The following PARD3 variants were observed in gnomAD, a reference collection of about 807,000 sequenced individuals.
PARD3 encodes the protein par-3 family cell polarity regulator.
PARD3 carries 75 observed loss-of-function variants against 155.4 expected under a neutral mutation model. That is an observed-to-expected ratio of 0.48 (90% CI 0.40 to 0.58). PARD3 has a LOEUF of 0.58. PARD3 is among the 20% of genes least tolerant of loss of function. The probability of loss-of-function intolerance (pLI) is 0.00; values close to 1 mark genes in which losing one functional copy is unlikely to be tolerated. For synonymous variants in PARD3, 576 were observed against 610.5 expected, an observed-to-expected ratio of 0.94 and a Z score of 0.83; for missense variants, 1,642 against 1,721.7, an observed-to-expected ratio of 0.95 and a Z score of 0.82.
At chr10:34,665,905 C>A (rs1486141670) in intron 2 of PARD3, among the ~76,000 whole-genome samples, 5 of 141,870 alleles carry the variant, frequency 3.5e-5, no homozygotes, top group African/African-American at 1.1e-4. Flanking sequence ...CAGAACAGAA[C>A]AAAAAGAAAA....
chr10:34,808,224 G>A (rs1463564203), intron 1 of PARD3, among the ~76,000 whole-genome samples: 1 of 152,130 alleles, frequency 6.6e-6, no homozygotes, highest in African/African-American at 2.4e-5. Context: ...TGAGGCAGGA[G>A]GATCGCTTGA....
intron 1 of PARD3, among the ~76,000 whole-genome samples, chr10:34,737,397 T>C (rs1485652666): frequency 6.6e-6 from 1 of 152,176 alleles, no homozygotes; most frequent in African/African-American, 2.4e-5. Flanking sequence ...GCTGAAGTGG[T>C]GCGGTTACCT....
At chr10:34,255,914 G>A (rs1954629956) in intron 22 of PARD3, among the ~76,000 whole-genome samples, 1 of 152,112 alleles carries the variant, frequency 6.6e-6, no homozygotes, top group East Asian at 1.9e-4. Flanking sequence ...TAAGATTTTA[G>A]GGGGATTCAT....
intron 22 of PARD3, among the ~76,000 whole-genome samples, chr10:34,152,970 CAAAGCT>C (rs1288503931): frequency 6.6e-6 from 1 of 152,142 alleles, no homozygotes; most frequent in Non-Finnish European, 1.5e-5. Flanking sequence ...AGTGACATGA[CAAAGCT>C]AATAAACTAG....
intron 1 of PARD3, among the ~76,000 whole-genome samples, chr10:34,796,735 A>G (rs886426374): frequency 2.0e-5 from 3 of 152,260 alleles, no homozygotes; most frequent in African/African-American, 7.2e-5. Context: ...TTGTAATCCC[A>G]GCACTCTGGG....
intron 5 of PARD3, among the ~76,000 whole-genome samples, chr10:34,439,206 G>A (rs551422548): frequency 5.9e-5 from 9 of 152,264 alleles, no homozygotes; most frequent in Admixed American, 2.0e-4. Context: ...ATGGTGGTGG[G>A]AACCAGGCTT....
chr10:34,308,716 C>G (rs531350802), intron 20 of PARD3, among the ~76,000 whole-genome samples: 1 of 152,146 alleles, frequency 6.6e-6, no homozygotes, highest in Admixed American at 6.5e-5. Context: ...AAGAAAATGT[C>G]CAGGCAGGAG....
intron 5 of PARD3, among the ~76,000 whole-genome samples, chr10:34,437,327 G>C (rs1372432126): frequency 1.3e-5 from 2 of 152,028 alleles, no homozygotes; most frequent in South Asian, 4.1e-4. Flanking sequence ...CCATAATGAA[G>C]AATATTTCCT....
chr10:34,621,142 C>A (rs1487086697), intron 2 of PARD3, among the ~76,000 whole-genome samples: 1 of 152,192 alleles, frequency 6.6e-6, no homozygotes, highest in Non-Finnish European at 1.5e-5. Context: ...TCTGGCAGGA[C>A]ACATGAAAGA....
intron 22 of PARD3, among the ~76,000 whole-genome samples, chr10:34,156,643 G>A (rs953257680): frequency 1.3e-5 from 2 of 152,160 alleles, no homozygotes; most frequent in African/African-American, 4.8e-5. Flanking sequence ...ACTTGCATGA[G>A]AAAGTTCCTC....
At chr10:34,237,461 A>AT (rs888892961) in intron 22 of PARD3, among the ~76,000 whole-genome samples, 1 of 152,138 alleles carries the variant, frequency 6.6e-6, no homozygotes, top group Non-Finnish European at 1.5e-5. Context: ...CTGTATATAT[A>AT]TTTTTTAACA....
At chr10:34,189,514 C>T (rs1274122018) in intron 22 of PARD3, among the ~76,000 whole-genome samples, 1 of 152,162 alleles carries the variant, frequency 6.6e-6, no homozygotes, top group Non-Finnish European at 1.5e-5. Flanking sequence ...CCCCTCTGAG[C>T]ACTTGAAGGA....
At chr10:34,727,704 T>A (rs903359208) in intron 1 of PARD3, among the ~76,000 whole-genome samples, 3 of 152,098 alleles carry the variant, frequency 2.0e-5, no homozygotes, top group Admixed American at 2.0e-4. Context: ...TCACACACAC[T>A]GTTGCCAGAA....
At chr10:34,805,594 T>C (rs1843282067) in intron 1 of PARD3, among the ~76,000 whole-genome samples, 3 of 149,706 alleles carry the variant, frequency 2.0e-5, no homozygotes, top group Admixed American at 1.3e-4. Flanking sequence ...TCATGCAATA[T>C]CATACATCTG....
chr10:34,722,671 TGAC>T (rs2094627751), intron 1 of PARD3, among the ~76,000 whole-genome samples: 1 of 152,228 alleles, frequency 6.6e-6, no homozygotes, highest in Non-Finnish European at 1.5e-5. Context: ...CGAAAGCTGT[TGAC>T]AGCCTTCATC....
At chr10:34,579,284 A>AAAAAG (rs1406014586) in intron 2 of PARD3, among the ~76,000 whole-genome samples, 4 of 147,928 alleles carry the variant, frequency 2.7e-5, no homozygotes, top group South Asian at 4.3e-4. Flanking sequence ...AAAAAAAAAG[A>AAAAAG]AAAAGAAAAT....
At chr10:34,363,396 T>C (rs971633309) in intron 12 of PARD3, among the ~76,000 whole-genome samples, 3 of 152,232 alleles carry the variant, frequency 2.0e-5, no homozygotes, top group Non-Finnish European at 4.4e-5. Context: ...AAGTCATTAT[T>C]ATCATTAAGA....
chr10:34,760,191 ACAGCG>A (rs56875601), intron 1 of PARD3, among the ~76,000 whole-genome samples: 99,284 of 148,310 alleles, frequency 0.67, 32,908 homozygotes, highest in Non-Finnish European at 0.72. Flanking sequence ...GGTGTGGGGG[ACAGCG>A]CAGCGGTGTA....
intron 2 of PARD3, among the ~76,000 whole-genome samples, chr10:34,606,184 G>C (rs1450018862): frequency 7.0e-6 from 1 of 143,086 alleles, no homozygotes; most frequent in East Asian, 2.1e-4. Flanking sequence ...GTGTGTGTGT[G>C]TGTGTGTGTG....
Sources: allele counts gnomAD v4.1 joint callset (sites outside exome capture counted in the v4.1 genomes callset), GRCh38; gene constraint gnomAD v4.1.1; transcripts MANE v1.5; gene names NCBI Gene and HGNC (gene_info 2026-07-23, HGNC 2026-07-21).